The following SYNDIG1 variants were observed in gnomAD, a reference collection of about 807,000 sequenced individuals.
The protein encoded by SYNDIG1 is synapse differentiation inducing 1.
A neutral mutation model predicts 19.4 loss-of-function variants in SYNDIG1; 9 were observed. The observed-to-expected ratio is 0.46, with a 90% CI of 0.28 to 0.81. SYNDIG1 has a LOEUF of 0.81. Ranked by LOEUF, SYNDIG1 falls within the 30% of genes least tolerant of loss-of-function variation. The pLI, the probability that SYNDIG1 is intolerant of heterozygous loss-of-function variation, is 0.12. For synonymous variants in SYNDIG1, 141 were observed against 145.9 expected, an observed-to-expected ratio of 0.97 and a Z score of 0.24; for missense variants, 311 against 343.3, an observed-to-expected ratio of 0.91 and a Z score of 0.74.
intron 3 of SYNDIG1, among the ~76,000 whole-genome samples, chr20:24,601,066 A>G (rs1458698926): frequency 6.6e-6 from 1 of 152,232 alleles, no homozygotes; most frequent in Non-Finnish European, 1.5e-5. Flanking sequence ...TGTTGGATTT[A>G]CCGAAAGCTT....
chr20:24,627,756 T>C (rs4815291), intron 3 of SYNDIG1, among the ~76,000 whole-genome samples: 34,681 of 152,232 alleles, frequency 0.23, 4,525 homozygotes, highest in Admixed American at 0.37. Context: ...GTTTGTTTGA[T>C]TACAGGGTCC....
chr20:24,594,125 G>A (rs1421760338), intron 3 of SYNDIG1, among the ~76,000 whole-genome samples: 1 of 152,104 alleles, frequency 6.6e-6, no homozygotes, highest in Non-Finnish European at 1.5e-5. Context: ...GTCCAGGATG[G>A]TATTTCCTAG....
chr20:24,474,569 A>C (rs1315983652), intron 1 of SYNDIG1, among the ~76,000 whole-genome samples: 2 of 152,214 alleles, frequency 1.3e-5, no homozygotes, highest in Non-Finnish European at 1.5e-5. Context: ...GGGCCTTGCA[A>C]TCCGTGTTCA....
intron 3 of SYNDIG1, among the ~76,000 whole-genome samples, chr20:24,650,756 A>C (rs2059462945): frequency 6.6e-6 from 1 of 152,224 alleles, no homozygotes; most frequent in African/African-American, 2.4e-5. Context: ...TTGAAAATGC[A>C]ATGTATCTTG....
chr20:24,644,434 G>A (rs969372828), intron 3 of SYNDIG1, among the ~76,000 whole-genome samples: 2 of 152,212 alleles, frequency 1.3e-5, no homozygotes, highest in African/African-American at 4.8e-5. Flanking sequence ...GCTTTGCATA[G>A]CACTGGGATG....
At chr20:24,482,360 C>T (rs6106890) in intron 1 of SYNDIG1, among the ~76,000 whole-genome samples, 2,554 of 152,236 alleles carry the variant, frequency 0.017, 74 homozygotes, top group African/African-American at 0.059. Context: ...TGAGTCACCA[C>T]GCCCGGCCGT....
At chr20:24,615,900 C>T (rs1196512853) in intron 3 of SYNDIG1, among the ~76,000 whole-genome samples, 1 of 146,550 alleles carries the variant, frequency 6.8e-6, no homozygotes, top group Non-Finnish European at 1.5e-5. Flanking sequence ...AGCACATCCA[C>T]GAGCCTGGGT....
chr20:24,503,993 A>G (rs2056522847), intron 1 of SYNDIG1, among the ~76,000 whole-genome samples: 1 of 134,842 alleles, frequency 7.4e-6, no homozygotes, highest in South Asian at 2.3e-4. Flanking sequence ...GGAGTCTCAC[A>G]CTTTCGCCCA....
chr20:24,658,564 C>T lies in SYNDIG1; in HGVS notation c.619-6782C>T, dbSNP rs532351024. ...ACCCCTGTGTCCTTCATCTTGCAGC[C>T]GTTTCATTATCTCCACCCTGACATC... On this transcript the variant is annotated intron_variant, in intron 3 of 3. Coordinates refer to ENST00000376862, the MANE Select transcript of SYNDIG1 (RefSeq NM_024893.3). This position sits in a 1 kb window ranked among gnomAD's most constrained non-coding sequence, Gnocchi z 4.4. Among the ~76,000 whole-genome samples the T allele has an allele frequency of 9.2e-5, 14 of 152,162 alleles. No homozygotes were observed. The South Asian group carries it at 2.1e-3, about 23-fold the overall frequency.
chr20:24,501,297 G>A lies in SYNDIG1; in HGVS notation c.-79+31544G>A, dbSNP rs548696907. 5.3e-5 allele frequency among the ~76,000 whole-genome samples: 8 copies of A among 152,262 alleles called. No individual in the cohort carries two copies. In the South Asian group the frequency reaches 1.0e-3, roughly 20 times the overall value. On this transcript the variant is annotated intron_variant, in intron 1 of 3. Coordinates refer to ENST00000376862, the MANE Select transcript of SYNDIG1 (RefSeq NM_024893.3). Reference sequence around the variant, plus strand: ...GCGATTCCTCTGGGACCTAAATGTCGTACCTGTAGCTTCCATATCCTCTGC... The same window carrying A: ...GCGATTCCTCTGGGACCTAAATGTCATACCTGTAGCTTCCATATCCTCTGC...
At chr20:24,581,707 C>T (rs1355137139) in intron 2 of SYNDIG1, among the ~76,000 whole-genome samples, 1 of 152,076 alleles carries the variant, frequency 6.6e-6, no homozygotes, top group East Asian at 1.9e-4. Flanking sequence ...GCACAGCCTC[C>T]ATGTTACATG....
chr20:24,619,959 G>A (rs960708272), intron 3 of SYNDIG1, among the ~76,000 whole-genome samples: 86 of 152,190 alleles, frequency 5.7e-4, no homozygotes, highest in African/African-American at 1.9e-3. Flanking sequence ...AACTGAGGCC[G>A]TGGGAGTTTA....
In SYNDIG1 at chr20:24,665,529, A is replaced by C. The variant is rs1229672762; in HGVS notation, c.*25A>C. The C allele has an allele frequency of 3.1e-6, 5 of 1,613,562 alleles. No individual in the cohort carries two copies. The highest frequency in any genetic ancestry group is 4.2e-6 in the Non-Finnish European group (5 of 1,179,928). ...AGCTTCCTGCGAATGGAGGGGGAGC[A>C]CCCGGGGCCAGGTCTGTGTGGACGT... is the stretch of plus-strand genomic sequence containing the variant. On this transcript the variant is annotated 3_prime_UTR_variant, in exon 4 of 4. Coordinates refer to ENST00000376862, the MANE Select transcript of SYNDIG1 (RefSeq NM_024893.3).
intron 2 of SYNDIG1, among the ~76,000 whole-genome samples, chr20:24,548,954 G>A (rs940796794): frequency 3.3e-5 from 5 of 151,892 alleles, no homozygotes; most frequent in Non-Finnish European, 5.9e-5. Flanking sequence ...AAATAAATGG[G>A]ATATTCATAT....
chr20:24,657,074 C>G (rs950081709), intron 3 of SYNDIG1, among the ~76,000 whole-genome samples: 1 of 152,290 alleles, frequency 6.6e-6, no homozygotes, highest in South Asian at 2.1e-4. Flanking sequence ...GAGGCCTCCC[C>G]GGAAGCCGAG....
rs550739654 is a variant in SYNDIG1 at position 24,508,154 on chromosome 20, G to T, written c.-78-34866G>T. Among the ~76,000 whole-genome samples the T allele has an allele frequency of 2.7e-5, 4 of 149,964 alleles. No homozygotes were observed. The South Asian group carries it at 6.3e-4, about 24-fold the overall frequency. On this transcript the variant is annotated intron_variant, in intron 1 of 3. Transcript: ENST00000376862. ...AAACATAGATAAGAAAGGTGAGAAG[G>T]TTAAGAGATTAACACAAAAACATTA...
intron 1 of SYNDIG1, among the ~76,000 whole-genome samples, chr20:24,540,415 T>C (rs2057446115): frequency 1.3e-5 from 2 of 152,210 alleles, no homozygotes; most frequent in South Asian, 4.1e-4. Flanking sequence ...TTTAGTACAG[T>C]GTTCAATAAA....
rs1035010218 is a variant in SYNDIG1, at chr20:24,665,607, G to C, written c.*103G>C. On this transcript the variant is annotated 3_prime_UTR_variant, in exon 4 of 4. Transcript: ENST00000376862. ...TGTACAGTACAAATGATTGCCAAAT[G>C]ATGCCACGAAGCCCTGGGATTTCCT... 1.1e-5 allele frequency: 17 copies of C among 1,491,310 alleles called. No homozygotes were observed. The African/African-American group carries it at 2.0e-4, about 18-fold the overall frequency. The allele number at this position is 1,491,310 out of a possible 1,614,324, so 92.4% of individuals were successfully genotyped here.
At chr20:24,541,099 A>G (rs6036832) in intron 1 of SYNDIG1, among the ~76,000 whole-genome samples, 113,610 of 152,092 alleles carry the variant, frequency 0.75, 43,024 homozygotes, top group African/African-American at 0.88. Flanking sequence ...GGACCTGAAA[A>G]CTTTCCTTGC....
Sources: allele counts gnomAD v4.1 joint callset (sites outside exome capture counted in the v4.1 genomes callset), GRCh38; gene constraint gnomAD v4.1.1; non-coding constraint Gnocchi (gnomAD v3.1); transcripts MANE v1.5; gene names NCBI Gene and HGNC (gene_info 2026-07-23, HGNC 2026-07-21).